NOL10: variants seen among roughly 807,000 people sequenced by gnomAD.
The protein encoded by NOL10 is nucleolar protein 10.
A neutral mutation model predicts 103.5 loss-of-function variants in NOL10; 58 were observed. The ratio of observed to expected loss-of-function variants is 0.56; its 90% CI spans 0.45 to 0.70. The LOEUF (loss-of-function observed/expected upper bound fraction) is 0.70. Among genes scored for constraint, NOL10 ranks in the 30% least tolerant of loss-of-function variants. NOL10 has a pLI of 0.00. For synonymous variants in NOL10, 287 were observed against 282.5 expected (o/e 1.02, Z -0.16); for missense variants, 763 against 807.3 (o/e 0.95, Z 0.67).
chr2:10,607,065 C>A, intron 14 of NOL10, 120 bp downstream of exon 14: 1 of 546,362 alleles, frequency 1.8e-6, no homozygotes, highest in Non-Finnish European at 2.9e-6. Flanking sequence ...TCTGATTTGG[C>A]AGAAAGGGAA....
intron 13 of NOL10, among the ~76,000 whole-genome samples, chr2:10,608,605 G>GA (rs1242224112): frequency 2.0e-5 from 3 of 151,920 alleles, no homozygotes; most frequent in African/African-American, 4.8e-5. Flanking sequence ...AAGCATACTG[G>GA]AAAAAAACCC....
Position 10,572,036 on chromosome 2 carries a change from C to A in NOL10, c.*35G>T. On this transcript the variant is annotated 3_prime_UTR_variant, in exon 21 of 21. Transcript: ENST00000381685. ...CGATGATCAGTTTGGGGGAGACGTA[C>A]CCCTCCCTAATCACAGGTAGGACCA... is the stretch of plus-strand genomic sequence containing the variant. 6.2e-6 allele frequency: 10 copies of A among 1,610,950 alleles called. No individual in the cohort carries two copies. The highest frequency in any genetic ancestry group is 7.6e-6 in the Non-Finnish European group (9 of 1,178,480).
Position 10,666,196 on chromosome 2 carries a change from T to C in NOL10, c.591+1022A>G, listed in dbSNP as rs544265475. On this transcript the variant is annotated intron_variant, in intron 8 of 20. Transcript: ENST00000381685. ...GGGTAACAGCCTCCAGCTGCATCCATGTTGCTGCAAAGAACATTCTTTCAT... is the reference window on the plus strand; with the variant it reads ...GGGTAACAGCCTCCAGCTGCATCCACGTTGCTGCAAAGAACATTCTTTCAT... Among the ~76,000 whole-genome samples, 13 of 152,322 alleles carry C rather than the reference T, an allele frequency of 8.5e-5. No homozygotes were observed. The East Asian group carries it at 1.7e-3, about 20-fold the overall frequency.
chr2:10,614,581 G>C (rs1452769636), intron 13 of NOL10, among the ~76,000 whole-genome samples: 3 of 152,154 alleles, frequency 2.0e-5, no homozygotes, highest in Non-Finnish European at 4.4e-5. Context: ...ATTCATACCA[G>C]TGATTTGGGA....
chr2:10,672,726 C>T (rs1325545874), intron 5 of NOL10, among the ~76,000 whole-genome samples: 2 of 152,158 alleles, frequency 1.3e-5, no homozygotes, highest in African/African-American at 4.8e-5. Flanking sequence ...GGGGCAGTTG[C>T]TCACGCCTGT....
intron 12 of NOL10, among the ~76,000 whole-genome samples, chr2:10,649,442 T>G (rs2148293643): frequency 6.8e-6 from 1 of 147,780 alleles, no homozygotes; most frequent in South Asian, 2.2e-4. Flanking sequence ...CGCCTCAGCC[T>G]CCTGAGTAGC....
intron 19 of NOL10, among the ~76,000 whole-genome samples, chr2:10,584,253 T>C (rs566862136): frequency 6.6e-6 from 1 of 152,348 alleles, no homozygotes; most frequent in Admixed American, 6.5e-5. Context: ...GGCCATGTCG[T>C]TCTTCCCATC....
intron 13 of NOL10, among the ~76,000 whole-genome samples, chr2:10,622,767 C>T (rs1677222728): frequency 6.6e-6 from 1 of 152,168 alleles, no homozygotes; most frequent in South Asian, 2.1e-4. Flanking sequence ...AACTCATAAC[C>T]TTTGACCTTT....
chr2:10,652,446 A>G (rs1679535639), intron 12 of NOL10, among the ~76,000 whole-genome samples: 1 of 151,948 alleles, frequency 6.6e-6, no homozygotes. Flanking sequence ...CTGACTACAC[A>G]GTTATAAAAT....
chr2:10,655,417 G>C (rs1344045515), intron 11 of NOL10, among the ~76,000 whole-genome samples: 1 of 152,184 alleles, frequency 6.6e-6, no homozygotes, highest in Non-Finnish European at 1.5e-5. Flanking sequence ...GATCAAGTGA[G>C]ACAATGGATA....
chr2:10,665,216 T>A (rs1416925907), intron 8 of NOL10, among the ~76,000 whole-genome samples: 3 of 152,082 alleles, frequency 2.0e-5, no homozygotes, highest in African/African-American at 7.2e-5. Context: ...TCAAAATGAG[T>A]TAATAAATTT....
chr2:10,662,383 T>C (rs942275471), intron 9 of NOL10, among the ~76,000 whole-genome samples: 5 of 152,224 alleles, frequency 3.3e-5, no homozygotes, highest in African/African-American at 1.2e-4. Context: ...GCTCTGGGCA[T>C]GCAGGGAGAC....
chr2:10,600,556 ATT>A (rs1675918759), intron 17 of NOL10, among the ~76,000 whole-genome samples: 1 of 152,236 alleles, frequency 6.6e-6, no homozygotes, highest in African/African-American at 2.4e-5. Flanking sequence ...CAGGATAAAC[ATT>A]TTACACATAC....
At chr2:10,572,572 T>TAA (rs1157013327) in intron 20 of NOL10, among the ~76,000 whole-genome samples, 2 of 152,178 alleles carry the variant, frequency 1.3e-5, no homozygotes, top group Non-Finnish European at 2.9e-5. Context: ...TGATATCACT[T>TAA]AGAGTGTCCA....
At chr2:10,663,264 G>C (rs193297695) in intron 8 of NOL10, among the ~76,000 whole-genome samples, 2 of 151,974 alleles carry the variant, frequency 1.3e-5, no homozygotes, top group Non-Finnish European at 2.9e-5. Flanking sequence ...CTACTTGGGA[G>C]GCTAAGGCAG....
intron 15 of NOL10, 86 bp from the exon 16 acceptor site, chr2:10,602,960 G>C (rs563242187): frequency 8.2e-7 from 1 of 1,218,806 alleles, no homozygotes; most frequent in Non-Finnish European, 1.2e-6. Flanking sequence ...TTATGCCAAA[G>C]AACAGGCAGA....
chr2:10,663,904 T>C (rs1572403239), intron 8 of NOL10, among the ~76,000 whole-genome samples: 1 of 148,916 alleles, frequency 6.7e-6, no homozygotes, highest in Admixed American at 6.7e-5. Flanking sequence ...TGAGCCGAGA[T>C]CGCACCACTG....
rs142436125 is a variant in NOL10, at chr2:10,572,120, G to A, written c.2018C>T (p.Ser673Leu). The A allele has an allele frequency of 3.3e-5, 54 of 1,613,968 alleles. 2 individuals are homozygous for A. The East Asian group carries it at 5.6e-4, about 17-fold the overall frequency. The change falls in exon 21 of 21, where the codon TCG becomes TTG. Residue 673 changes from serine to leucine, a missense_variant. Coordinates refer to ENST00000381685, the MANE Select transcript of NOL10 (RefSeq NM_024894.4). Reference protein sequence around the residue: ...HRQERKRLRRSAGHLKSRHKR... With the variant: ...HRQERKRLRRLAGHLKSRHKR... ...GTGTCTTGACTTCAGGTGTCCGGCC[G>A]AACGACGGAGTCTTTTCCTTTCTTG...
intron 20 of NOL10, among the ~76,000 whole-genome samples, chr2:10,573,356 G>T (rs1377568108): frequency 6.6e-6 from 1 of 152,082 alleles, no homozygotes; most frequent in African/African-American, 2.4e-5. Context: ...ACCACGCCCG[G>T]CTAATTTTTG....
Sources: allele counts gnomAD v4.1 joint callset (sites outside exome capture counted in the v4.1 genomes callset), GRCh38; gene constraint gnomAD v4.1.1; transcripts MANE v1.5; gene names NCBI Gene and HGNC (gene_info 2026-07-23, HGNC 2026-07-21).